The following CWF19L1 variants were observed in gnomAD, a reference collection of about 807,000 sequenced individuals.
CWF19L1 encodes CWF19-like protein 1.
In CWF19L1, 60 loss-of-function variants were observed where a neutral mutation model predicts 69.7. That is an observed-to-expected ratio of 0.86 (90% CI 0.70 to 1.07). The LOEUF (loss-of-function observed/expected upper bound fraction) is 1.07. Ranked by LOEUF, CWF19L1 falls within the 50% of genes least tolerant of loss-of-function variation. The pLI, the probability that CWF19L1 is intolerant of heterozygous loss-of-function variation, is 0.00. For missense variants in CWF19L1, 591 were observed against 638.9 expected (o/e 0.92, Z 0.81); for synonymous variants, 209 against 222.2 (o/e 0.94, Z 0.53).
intron 10 of CWF19L1, 66 bp from the exon 11 acceptor site, chr10:100,238,297 C>A: frequency 2.7e-6 from 4 of 1,489,038 alleles, no homozygotes; most frequent in Middle Eastern, 2.1e-4. Context: ...GGAGAAAAAC[C>A]TATACAAAAA....
At chr10:100,267,148 A>AC (rs1847625139) in intron 1 of CWF19L1, among the ~76,000 whole-genome samples, 3 of 12,518 alleles carry the variant, frequency 2.4e-4, no homozygotes, top group Admixed American at 1.4e-3. Flanking sequence ...TCCTCCTCGC[A>AC]AAAAAAAAAA....
chr10:100,267,527 C>G (rs564608716), intron 1 of CWF19L1, 44 bp downstream of exon 1: 2 of 1,614,076 alleles, frequency 1.2e-6, no homozygotes, highest in Admixed American at 1.7e-5. Flanking sequence ...CCTACACACA[C>G]GAAAGAGACA....
chr10:100,256,834 A>C (rs1014994456), intron 4 of CWF19L1, among the ~76,000 whole-genome samples: 1 of 152,214 alleles, frequency 6.6e-6, no homozygotes, highest in Non-Finnish European at 1.5e-5. Flanking sequence ...ACATCTGGAC[A>C]CAGGAAAAGG....
intron 1 of CWF19L1, among the ~76,000 whole-genome samples, chr10:100,265,646 G>A (rs1847555530): frequency 1.3e-5 from 2 of 150,988 alleles, no homozygotes; most frequent in African/African-American, 4.9e-5. Context: ...TCAACCTCTT[G>A]AGTAGCTGGG....
chr10:100,255,933 AAAAAAC>A (rs144633475), intron 5 of CWF19L1, among the ~76,000 whole-genome samples: 1 of 140,978 alleles, frequency 7.1e-6, no homozygotes, highest in African/African-American at 2.7e-5. Flanking sequence ...CCATCTCAAA[AAAAAAC>A]AAAAAACAAA....
chr10:100,253,665 CA>C, intron 5 of CWF19L1, 126 bp from the exon 6 acceptor site: 1 of 596,104 alleles, frequency 1.7e-6, no homozygotes, highest in Admixed American at 3.1e-5. Flanking sequence ...GAAGGAACTG[CA>C]CATTGAATTT....
chr10:100,262,543 A>T lies in CWF19L1; in HGVS notation c.24-480T>A, dbSNP rs1278938789. The T allele has an allele frequency of 2.8e-4, 231 of 830,148 alleles. No individual in the cohort carries two copies. The African/African-American group carries it at 4.0e-3, about 15-fold the overall frequency. The allele number at this position is 830,148 out of a possible 1,614,324, so 51.4% of individuals were successfully genotyped here. A position where few individuals can be genotyped will look rare whatever the true frequency, so the allele number is the denominator to read the frequency against. On this transcript the variant is annotated intron_variant, in intron 1 of 13. Transcript: ENST00000354105. ...TACCATACGCTAAGTACAATATGCC[A>T]AGTATACTATGCTAAAAACATGTTA...
At position 100,234,996 on chromosome 10, in the gene CWF19L1, C is replaced by T. The variant is rs11816493; in HGVS notation, c.1472+671G>A. Among the ~76,000 whole-genome samples the T allele has an allele frequency of 9.8e-3, 1,499 of 152,256 alleles. 26 individuals are homozygous for T. The highest frequency in any genetic ancestry group is 0.035 in the African/African-American group (1,443 of 41,548). Reference sequence around the variant, plus strand: ...CCTAAGCTCTCTACAGCCTGCTATCCAGTGGGGTAACCATTAGCCAGGTAT... The same window carrying T: ...CCTAAGCTCTCTACAGCCTGCTATCTAGTGGGGTAACCATTAGCCAGGTAT... On this transcript the variant is annotated intron_variant, in intron 13 of 13. Transcript: ENST00000354105.
intron 8 of CWF19L1, among the ~76,000 whole-genome samples, chr10:100,246,295 G>A (rs527451182): frequency 1.3e-5 from 2 of 152,204 alleles, no homozygotes; most frequent in South Asian, 4.1e-4. Context: ...AGATGAGAAG[G>A]CTGCTTGGAA....
At chr10:100,252,434 C>T (rs1445862145) in intron 6 of CWF19L1, among the ~76,000 whole-genome samples, 1 of 147,856 alleles carries the variant, frequency 6.8e-6, no homozygotes, top group Non-Finnish European at 1.5e-5. Context: ...GACTCTGTCT[C>T]AAAAAAAAGA....
intron 4 of CWF19L1, among the ~76,000 whole-genome samples, chr10:100,259,488 T>G (rs1460181695): frequency 6.6e-6 from 1 of 152,100 alleles, no homozygotes; most frequent in Admixed American, 6.5e-5. Context: ...CTATAAATAG[T>G]TGGGAGGCTC....
rs780486560 is a variant in CWF19L1 at position 100,253,541 on chromosome 10, T to C, written c.505-2A>G. On this transcript the variant is annotated splice_acceptor_variant, in intron 5 of 13. Coordinates refer to ENST00000354105, the MANE Select transcript of CWF19L1 (RefSeq NM_018294.6). LOFTEE classifies it high-confidence loss of function. ...ACATTTTTTGGTATCCACTTCTCCCTAGTAAACAAAAACTTAGTCATCCAT... is the reference window on the plus strand; with the variant it reads ...ACATTTTTTGGTATCCACTTCTCCCCAGTAAACAAAAACTTAGTCATCCAT... 1 of 1,593,546 alleles carries C rather than the reference T, an allele frequency of 6.3e-7. No individual in the cohort carries two copies. The highest frequency in any genetic ancestry group is 2.2e-5 in the East Asian group (1 of 44,778).
chr10:100,265,275 A>G (rs1847536871), intron 1 of CWF19L1, among the ~76,000 whole-genome samples: 2 of 152,132 alleles, frequency 1.3e-5, no homozygotes, highest in Admixed American at 1.3e-4. Context: ...AAAAAAACTT[A>G]AAGTTTATAA....
Position 100,233,120 on chromosome 10 carries a change from C to T in CWF19L1, c.*107G>A, listed in dbSNP as rs975872939. ...CCACAGTTATGCCACTGCAATCCTG[C>T]TTGGGTGACAGAGCGAGACTTTGTC... is the stretch of plus-strand genomic sequence containing the variant. On this transcript the variant is annotated 3_prime_UTR_variant, in exon 14 of 14. Transcript: ENST00000354105. 1.7e-6 allele frequency: 2 copies of T among 1,192,538 alleles called. No individual in the cohort carries two copies. The highest frequency in any genetic ancestry group is 2.3e-6 in the Non-Finnish European group (2 of 874,844). 73.9% of individuals were successfully genotyped at this position (1,192,538 alleles called of 1,614,324 possible).
intron 9 of CWF19L1, among the ~76,000 whole-genome samples, chr10:100,245,309 C>A (rs1404941834): frequency 1.3e-5 from 2 of 152,086 alleles, no homozygotes; most frequent in Non-Finnish European, 2.9e-5. Context: ...CATGAGCCCC[C>A]ACACCTGGCC....
Position 100,246,865 on chromosome 10 carries a change from T to G in CWF19L1, c.779A>C (p.Asp260Ala). 6.2e-7 allele frequency: 1 copy of G among 1,614,086 alleles called. No homozygotes were observed. Among genetic ancestry groups the G allele is most frequent in the Non-Finnish European group, 8.5e-7 (1 of 1,179,952 alleles). Residue 260 changes from aspartate (D) to alanine (A), a missense_variant, in exon 8 of 14, where the codon GAT becomes GCT. By Grantham distance (126) the Asp-to-Ala change is moderately radical (BLOSUM62 -2). This residue lies in a region of CWF19L1 where 458 missense variants were observed against 489.3 expected (regional missense o/e 0.94). Transcript: ENST00000354105. ...TTTTCTGTAAGGGTTTTCAGTGACA[T>G]CCGGAGGCTGTTTTACCAGTTCTGC... ...DAAELVKQPP[D>A]VTENPYRKSG...
chr10:100,248,481 T>C (rs1315314037), intron 7 of CWF19L1: 3 of 678,552 alleles, frequency 4.4e-6, no homozygotes, highest in Non-Finnish European at 8.1e-6. Flanking sequence ...TTCTTGACCA[T>C]GTAATGTGCC....
intron 10 of CWF19L1, among the ~76,000 whole-genome samples, chr10:100,241,072 G>A (rs1417842157): frequency 3.5e-5 from 5 of 141,544 alleles, no homozygotes; most frequent in African/African-American, 1.3e-4. Context: ...GTGCAGTGGC[G>A]CGATCTTGGC....
Position 100,256,391 on chromosome 10 carries a change from A to G in CWF19L1, c.375T>C (p.Gly125=), listed in dbSNP as rs17112805. ...ACACATCCTTGGGACTAAAACTATA[A>G]CCTGGTACTGGCTCATTTAAGGATT... The part of the protein sequence containing the change: ...GTESLNEPVP[G]YSFSPKDVSS... The change falls in exon 5 of 14, where the codon GGT becomes GGC. Residue 125 remains glycine, a synonymous_variant. Transcript: ENST00000354105. The G allele has an allele frequency of 4.7e-4, 762 of 1,614,036 alleles. 2 individuals carry two copies. In the East Asian group the frequency reaches 7.6e-3, roughly 16 times the overall value.
Sources: gnomAD v4.1 joint callset for allele counts (sites outside exome capture counted in the v4.1 genomes callset) on GRCh38, gnomAD v4.1.1 for gene constraint, gnomAD v4.1.1 regional missense constraint, MANE v1.5 for transcripts, NCBI Gene and HGNC (gene_info 2026-07-23, HGNC 2026-07-21) for gene names.